IRF1: variants seen among roughly 807,000 people sequenced by gnomAD.
IRF1 encodes the protein interferon regulatory factor 1, also known as interferon regulatory factor-1.
IRF1 carries 13 observed loss-of-function variants against 43.7 expected under a neutral mutation model. That is an observed-to-expected ratio of 0.30 (90% CI 0.19 to 0.47). The LOEUF is 0.47. Ranked by LOEUF, IRF1 falls within the 20% of genes least tolerant of loss-of-function variation. The pLI is 0.99. For missense variants in IRF1, 236 were observed against 408.9 expected, an observed-to-expected ratio of 0.58 and a Z score of 3.65; for synonymous variants, 138 against 146.8, an observed-to-expected ratio of 0.94 and a Z score of 0.43.
At position 132,484,108 on chromosome 5, in the gene IRF1, G is replaced by A. The variant is rs2070730; in HGVS notation, c.854-33C>T. 551,689 of 1,607,370 alleles carry A rather than the reference G, an allele frequency of 0.34. 96,311 individuals carry two copies. Among genetic ancestry groups the A allele is most frequent in the African/African-American group, 0.49 (36,421 of 74,658 alleles). ...ATGTGAAGAAGGTTGTATGAGGGTA[G>A]GGGACGGTGGCATCAGGTGTGCTTC... On this transcript the variant is annotated intron_variant, in intron 9 of 9. Coordinates refer to ENST00000245414, the MANE Select transcript of IRF1 (RefSeq NM_002198.3).
intron 2 of IRF1, chr5:132,488,260 A>G: frequency 3.9e-6 from 2 of 507,610 alleles, no homozygotes; most frequent in Non-Finnish European, 7.2e-6. Context: ...TTAGCTCACA[A>G]AGACCTCCCT....
chr5:132,487,818 T>G, intron 3 of IRF1, 108 bp downstream of exon 3: 1 of 696,040 alleles, frequency 1.4e-6, no homozygotes, highest in African/African-American at 1.8e-5. Context: ...TAATTCTGCA[T>G]GTTGTCTCAG....
chr5:132,484,103 G>C (rs759777033), intron 9 of IRF1, 28 bp from the exon 10 acceptor site: 3 of 1,611,522 alleles, frequency 1.9e-6, no homozygotes, highest in Admixed American at 1.7e-5. Context: ...GGTTGTATGA[G>C]GGTAGGGGAC....
intron 2 of IRF1, 119 bp downstream of exon 2, chr5:132,489,273 G>A (rs546090495): frequency 2.5e-6 from 2 of 784,976 alleles, no homozygotes; most frequent in African/African-American, 1.7e-5. Flanking sequence ...GGACCCACTG[G>A]GAGAAACACC....
Position 132,486,443 on chromosome 5 carries a change from C to T in IRF1, c.545-70G>A, listed in dbSNP as rs552291054. The T allele has an allele frequency of 8.7e-6, 14 of 1,609,694 alleles. No homozygotes were observed. In the African/African-American group the frequency reaches 1.1e-4, roughly 12 times the overall value. ...AGTTTGCAAGACATCGAGCGCCCTC[C>T]GACCAACCCTGCAGCCTGCACTAAT... On this transcript the variant is annotated intron_variant, in intron 6 of 9. Transcript: ENST00000245414.
At chr5:132,485,527 G>GA in intron 8 of IRF1, 140 bp downstream of exon 8, 2 of 777,474 alleles carry the variant, frequency 2.6e-6, no homozygotes, top group Non-Finnish European at 4.7e-6. Context: ...CAAGCCACGT[G>GA]AATGTGGCAC....
chr5:132,487,630 G>A, intron 3 of IRF1: 1 of 456,860 alleles, frequency 2.2e-6, no homozygotes, highest in Non-Finnish European at 4.0e-6. Flanking sequence ...GTCTCTTTCA[G>A]TGCCCTGGCT....
Position 132,486,824 on chromosome 5 carries a change from G to A in IRF1, c.385C>T (p.Arg129Ter). 6.2e-7 allele frequency: 1 copy of A among 1,614,174 alleles called. No homozygotes were observed. Among genetic ancestry groups the A allele is most frequent in the Non-Finnish European group, 8.5e-7 (1 of 1,180,026 alleles). Residue 129 changes from arginine to a stop codon, truncating the protein, a stop_gained, in exon 5 of 10, where the codon CGA (arginine) becomes TGA (stop). Coordinates refer to ENST00000245414, the MANE Select transcript of IRF1 (RefSeq NM_002198.3). LOFTEE classifies it high-confidence loss of function. ...QRKERKSKSS[R>*]DAKSKAKRKS... ...CTCTTGGCCTTGCTCTTAGCATCTC[G>A]GCTGGACTTCGACTTTCTTTCTGTG...
Position 132,484,089 on chromosome 5 carries a change from A to C in IRF1, c.854-14T>G. The C allele has an allele frequency of 6.2e-7, 1 of 1,613,478 alleles. No homozygotes were observed. The highest frequency in any genetic ancestry group is 2.2e-5 in the East Asian group (1 of 44,870). On this transcript the variant is annotated splice_polypyrimidine_tract_variant and intron_variant, in intron 9 of 9. Transcript: ENST00000245414. ...GCCCAATATCCCCTAGAAGATGTGA[A>C]GAAGGTTGTATGAGGGTAGGGGACG...
chr5:132,487,828 G>A, intron 3 of IRF1, 98 bp downstream of exon 3: 1 of 761,478 alleles, frequency 1.3e-6, no homozygotes, highest in Non-Finnish European at 2.3e-6. Context: ...TGTTGTCTCA[G>A]GGAGCTCAGG....
At position 132,490,453 on chromosome 5, in the gene IRF1, C is replaced by T. The variant is rs1261716735; in HGVS notation, c.-6+92G>A. ...GGCAACGCCGCGCGCCGGCGAGTCTCCAGCCTGGAGCTTTCGACCCCCCAC... is the reference window on the plus strand; with the variant it reads ...GGCAACGCCGCGCGCCGGCGAGTCTTCAGCCTGGAGCTTTCGACCCCCCAC... On this transcript the variant is annotated intron_variant, in intron 1 of 9. Transcript: ENST00000245414. The surrounding 1 kb of genome is among the most constrained non-coding windows in gnomAD (Gnocchi z 5.8). The T allele has an allele frequency of 1.3e-5, 2 of 151,184 alleles. No individual in the cohort carries two copies. The highest frequency in any genetic ancestry group is 1.3e-4 in the Admixed American group (2 of 15,188). 9.4% of individuals were successfully genotyped at this position (151,184 alleles called of 1,614,324 possible).
chr5:132,484,584 A>C, intron 8 of IRF1, 87 bp from the exon 9 acceptor site: 1 of 1,535,106 alleles, frequency 6.5e-7, no homozygotes, highest in South Asian at 1.2e-5. Flanking sequence ...AGCTCCTCTC[A>C]GCCAGTATCA....
At chr5:132,486,491 T>C (rs1754531515) in intron 6 of IRF1, 66 bp downstream of exon 6, 1 of 1,612,532 alleles carries the variant, frequency 6.2e-7, no homozygotes, top group Non-Finnish European at 8.5e-7. Context: ...GCCAGCACCA[T>C]GCCTCCAAGA....
In IRF1 at chr5:132,490,324, A is replaced by T. The variant is rs890498553; in HGVS notation, c.-6+221T>A. ...TCTGCGAAAGCTGCCGGGCGCCGGC[A>T]GCCTCGTCCGGGTGGGCGGTCCACG... On this transcript the variant is annotated intron_variant, in intron 1 of 9. Coordinates refer to ENST00000245414, the MANE Select transcript of IRF1 (RefSeq NM_002198.3). This position sits in a 1 kb window ranked among gnomAD's most constrained non-coding sequence, Gnocchi z 5.8. The T allele has an allele frequency of 1.1e-4, 17 of 150,644 alleles. No individual in the cohort carries two copies. The highest frequency in any genetic ancestry group is 1.1e-3 in the Admixed American group (17 of 15,176). 9.3% of individuals were successfully genotyped at this position (150,644 alleles called of 1,614,324 possible).
At chr5:132,488,228 G>A in intron 2 of IRF1, 1 of 561,334 alleles carries the variant, frequency 1.8e-6, no homozygotes, top group African/African-American at 1.9e-5. Flanking sequence ...GGGACACCTA[G>A]TTTGGATGAG....
chr5:132,488,454 A>G (rs143840473), intron 2 of IRF1: 204 of 163,070 alleles, frequency 1.3e-3, no homozygotes, highest in Middle Eastern at 6.1e-3. Context: ...TCCTGGTCAT[A>G]CCACTGAGGG....
chr5:132,484,465 G>A lies in IRF1; in HGVS notation c.750C>T (p.Asn250=), dbSNP rs572536157. ...LLEQSEWQPT[N]VDGKGYLLNE... ...TGAGTAGGTACCCCTTCCCATCCAC[G>A]TTTGTTGGCTGCCACTCCGACTGCT... The change falls in exon 9 of 10, where the codon AAC becomes AAT. Residue 250 remains asparagine (N), a synonymous_variant. Coordinates refer to ENST00000245414, the MANE Select transcript of IRF1 (RefSeq NM_002198.3). The A allele has an allele frequency of 1.2e-5, 20 of 1,614,174 alleles. No homozygotes were observed. The highest frequency in any genetic ancestry group is 6.7e-5 in the Admixed American group (4 of 60,022).
At chr5:132,486,089 G>C (rs944291131) in intron 7 of IRF1, 162 bp downstream of exon 7, 7 of 931,408 alleles carry the variant, frequency 7.5e-6, no homozygotes, top group Non-Finnish European at 1.0e-5. Context: ...TGCCTTCCTA[G>C]TGTCCCCGTC....
At chr5:132,488,981 G>C (rs1754626700) in intron 2 of IRF1, 1 of 196,462 alleles carries the variant, frequency 5.1e-6, no homozygotes, top group South Asian at 9.2e-5. Context: ...AGTGACTGGT[G>C]CAAGATTAAC....
Sources: allele counts gnomAD v4.1 joint callset, GRCh38; gene constraint gnomAD v4.1.1; non-coding constraint Gnocchi (gnomAD v3.1); transcripts MANE v1.5; gene names NCBI Gene and HGNC (gene_info 2026-07-23, HGNC 2026-07-21).